Variants in RGS5 observed in about 807,000 individuals in gnomAD.
RGS5 encodes the protein regulator of G protein signaling 5.
RGS5 carries 20 observed loss-of-function variants against 18.9 expected under a neutral mutation model. The observed-to-expected ratio is 1.06, with a 90% CI of 0.74 to 1.54. The LOEUF (loss-of-function observed/expected upper bound fraction) is 1.54. Ranked by LOEUF, RGS5 falls within the 40% of genes most tolerant of loss-of-function variation. The pLI is 0.00. For missense variants in RGS5, 201 were observed against 211.8 expected (o/e 0.95, Z 0.32); for synonymous variants, 57 against 76.2 (o/e 0.75, Z 1.31).
intron 2 of RGS5, among the ~76,000 whole-genome samples, chr1:163,231,252 T>G (rs1324296592): frequency 6.6e-6 from 1 of 152,340 alleles, no homozygotes; most frequent in Middle Eastern, 3.4e-3. Context: ...GTAATAATCC[T>G]GTGCATTTGC....
intron 2 of RGS5, among the ~76,000 whole-genome samples, chr1:163,251,426 T>C (rs947479200): frequency 6.6e-6 from 1 of 152,094 alleles, no homozygotes; most frequent in South Asian, 2.1e-4. Context: ...TCAACCCCAA[T>C]CCCACCACTC....
chr1:163,315,710 A>T (rs6692764), intron 1 of RGS5, among the ~76,000 whole-genome samples: 2 of 152,078 alleles, frequency 1.3e-5, no homozygotes, highest in African/African-American at 4.8e-5. Context: ...ATCCACTAAT[A>T]AAGATGAACA....
chr1:163,278,019 T>C (rs1648900190), intron 2 of RGS5, among the ~76,000 whole-genome samples: 3 of 151,846 alleles, frequency 2.0e-5, no homozygotes, highest in South Asian at 4.2e-4. Flanking sequence ...TCTGAAATTT[T>C]AAACATTTGC....
At chr1:163,220,810 G>T (rs369512197), upstream of RGS5, among the ~76,000 whole-genome samples, 4 of 152,110 alleles carry the variant, frequency 2.6e-5, no homozygotes, top group East Asian at 3.9e-4. Flanking sequence ...CAAGAGCAAG[G>T]CAGGAGGATC....
chr1:163,300,302 GA>G (rs1649520216), intron 2 of RGS5: 1 of 152,220 alleles, frequency 6.6e-6, no homozygotes, highest in Non-Finnish European at 1.5e-5. Context: ...CAAAACAAAT[GA>G]GAGCTAAGTT....
At chr1:163,182,467 G>A (rs758009678) in intron 1 of RGS5, among the ~76,000 whole-genome samples, 19 of 152,092 alleles carry the variant, frequency 1.2e-4, no homozygotes, top group South Asian at 2.1e-4. Context: ...AAGGATTCCC[G>A]TGGAAATTGA....
intron 1 of RGS5, among the ~76,000 whole-genome samples, chr1:163,170,080 C>A (rs1658230323): frequency 6.6e-6 from 1 of 152,144 alleles, no homozygotes; most frequent in Non-Finnish European, 1.5e-5. Context: ...TAGAAAAGCA[C>A]CAGGCAAATC....
chr1:163,255,404 A>T (rs954637949), intron 2 of RGS5, among the ~76,000 whole-genome samples: 2 of 152,218 alleles, frequency 1.3e-5, no homozygotes, highest in Non-Finnish European at 2.9e-5. Flanking sequence ...TCCCAAGACT[A>T]AACCAGGAAG....
At chr1:163,164,526 G>T (rs1354204536) in intron 2 of RGS5, among the ~76,000 whole-genome samples, 5 of 152,138 alleles carry the variant, frequency 3.3e-5, no homozygotes, top group Non-Finnish European at 7.3e-5. Context: ...ACATGACAAT[G>T]AGGCACTCAC....
intron 1 of RGS5, among the ~76,000 whole-genome samples, chr1:163,168,928 T>C (rs1292349961): frequency 6.6e-6 from 1 of 152,104 alleles, no homozygotes; most frequent in Admixed American, 6.6e-5. Context: ...TTGTTACATA[T>C]GTATACATGT....
At chr1:163,154,284 T>C (rs538947483) in intron 3 of RGS5, among the ~76,000 whole-genome samples, 118 of 152,292 alleles carry the variant, frequency 7.7e-4, no homozygotes, top group African/African-American at 2.7e-3. Context: ...ACGCTATATA[T>C]AGTTATCCAT....
chr1:163,204,010 T>G (rs1403604280), upstream of RGS5, among the ~76,000 whole-genome samples: 1 of 152,294 alleles, frequency 6.6e-6, no homozygotes, highest in East Asian at 1.9e-4. Context: ...ACTCTCATAA[T>G]TTTCTCTGTT....
chr1:163,221,413 C>T (rs1243673843), upstream of RGS5, among the ~76,000 whole-genome samples: 1 of 152,104 alleles, frequency 6.6e-6, no homozygotes, highest in Non-Finnish European at 1.5e-5. Context: ...AGAAGAATCA[C>T]TTGAACCAGT....
At position 163,155,694 on chromosome 1, in the gene RGS5, A is replaced by G. The variant is rs557318097; in HGVS notation, c.218-2978T>C. 2.0e-5 allele frequency among the ~76,000 whole-genome samples: 3 copies of G among 152,296 alleles called. No individual in the cohort carries two copies. The East Asian group carries it at 5.8e-4, about 30-fold the overall frequency. On this transcript the variant is annotated intron_variant, in intron 3 of 4. Coordinates refer to ENST00000313961, the MANE Select transcript of RGS5 (RefSeq NM_003617.4). ...CAGGCCAAATGTCTCTATTCTGCAA[A>G]GAACACACATTTCTTCTTTGCCCTA...
At chr1:163,163,249 G>C (rs1336942440) in intron 2 of RGS5, among the ~76,000 whole-genome samples, 2 of 152,152 alleles carry the variant, frequency 1.3e-5, no homozygotes, top group East Asian at 3.8e-4. Flanking sequence ...TCGGTTGTGA[G>C]TCCTGATTAT....
At chr1:163,255,263 A>C (rs1026738176) in intron 2 of RGS5, among the ~76,000 whole-genome samples, 2 of 152,112 alleles carry the variant, frequency 1.3e-5, no homozygotes, top group Admixed American at 6.5e-5. Flanking sequence ...CATGATATTG[A>C]TTCTTTCTAC....
At chr1:163,215,346 C>A (rs1423761371) in intron 1 of RGS5, among the ~76,000 whole-genome samples, 1 of 152,100 alleles carries the variant, frequency 6.6e-6, no homozygotes, top group African/African-American at 2.4e-5. Context: ...GCAAGTTATC[C>A]AAACTCTCTG....
intron 1 of RGS5, among the ~76,000 whole-genome samples, chr1:163,194,878 A>G (rs1186336125): frequency 2.0e-5 from 3 of 152,138 alleles, no homozygotes; most frequent in African/African-American, 7.2e-5. Flanking sequence ...ATCATTTTGT[A>G]AAGACTTGAT....
At chr1:163,273,692 AC>A (rs1648779597) in intron 2 of RGS5, among the ~76,000 whole-genome samples, 1 of 152,146 alleles carries the variant, frequency 6.6e-6, no homozygotes, top group African/African-American at 2.4e-5. Flanking sequence ...GTTTATATGA[AC>A]TGTTATTTTT....
Sources: allele counts gnomAD v4.1 joint callset (sites outside exome capture counted in the v4.1 genomes callset), GRCh38; gene constraint gnomAD v4.1.1; transcripts MANE v1.5; gene names NCBI Gene and HGNC (gene_info 2026-07-23, HGNC 2026-07-21).